The following ZNF385D variants were observed in gnomAD, a reference collection of about 807,000 sequenced individuals.
The protein encoded by ZNF385D is zinc finger protein 385D.
ZNF385D carries 15 observed loss-of-function variants against 35.8 expected under a neutral mutation model. The observed-to-expected ratio is 0.42, with a 90% CI of 0.28 to 0.64. The LOEUF is 0.64. Ranked by LOEUF, ZNF385D falls within the 30% of genes least tolerant of loss-of-function variation. The probability of loss-of-function intolerance (pLI) is 0.23; values close to 1 mark genes in which losing one functional copy is unlikely to be tolerated. For missense variants in ZNF385D, 474 were observed against 494.6 expected (o/e 0.96, Z 0.39); for synonymous variants, 212 against 186.8 (o/e 1.13, Z -1.10).
At chr3:21,945,059 C>G (rs1701707420) in intron 3 of ZNF385D, among the ~76,000 whole-genome samples, 1 of 151,804 alleles carries the variant, frequency 6.6e-6, no homozygotes, top group Non-Finnish European at 1.5e-5. Flanking sequence ...TAATATTTGT[C>G]AAATACTAAA....
chr3:22,360,573 G>A (rs1343733050), intron 2 of ZNF385D, among the ~76,000 whole-genome samples: 4 of 151,848 alleles, frequency 2.6e-5, no homozygotes, highest in African/African-American at 9.7e-5. Context: ...CTTAGTAAGA[G>A]CCAGCTTCCA....
At position 21,733,555 on chromosome 3, in the gene ZNF385D, T is replaced by C. The variant is rs566546859; in HGVS notation, c.22+17340A>G. Among the ~76,000 whole-genome samples the C allele has an allele frequency of 2.0e-5, 3 of 152,336 alleles. No homozygotes were observed. In the South Asian group the frequency reaches 6.2e-4, roughly 32 times the overall value. On this transcript the variant is annotated intron_variant, in intron 1 of 7. Transcript: ENST00000281523. ...TCTAACTTTGTCTCTTTTTTAAACTTAATTTATGAATTATTTTTCCAAGCA... is the reference window on the plus strand; with the variant it reads ...TCTAACTTTGTCTCTTTTTTAAACTCAATTTATGAATTATTTTTCCAAGCA...
chr3:21,979,423 T>C (rs1381594870), intron 3 of ZNF385D, among the ~76,000 whole-genome samples: 2 of 152,200 alleles, frequency 1.3e-5, no homozygotes, highest in Non-Finnish European at 2.9e-5. Context: ...TTATCCAATA[T>C]TTGACAGCTA....
intron 3 of ZNF385D, among the ~76,000 whole-genome samples, chr3:21,992,716 C>T (rs1351972680): frequency 1.3e-5 from 2 of 152,152 alleles, no homozygotes; most frequent in East Asian, 1.9e-4. Flanking sequence ...TCTTCACAAA[C>T]ATGTTTTACA....
rs561543505 is a variant in ZNF385D, at chr3:21,838,341, T to C, written c.326-173313A>G. ...AGGATCTGGGAGATAAGTATAGTTA[T>C]GTATGGTATATATGCTAAAAACAAA... is the stretch of plus-strand genomic sequence containing the variant. On this transcript the variant is annotated intron_variant, in intron 3 of 5. Coordinates refer to the ZNF385D transcript ENST00000494108. Among the ~76,000 whole-genome samples the C allele has an allele frequency of 7.9e-5, 12 of 152,222 alleles. No homozygotes were observed. The South Asian group carries it at 1.9e-3, about 24-fold the overall frequency.
intron 2 of ZNF385D, among the ~76,000 whole-genome samples, chr3:22,369,350 A>C (rs1696797250): frequency 6.6e-6 from 1 of 152,192 alleles, no homozygotes; most frequent in Non-Finnish European, 1.5e-5. Context: ...AACCATTTAC[A>C]AGACTCCCAT....
intron 2 of ZNF385D, among the ~76,000 whole-genome samples, chr3:21,645,693 G>A (rs1027934053): frequency 6.6e-6 from 1 of 152,116 alleles, no homozygotes; most frequent in Non-Finnish European, 1.5e-5. Flanking sequence ...ATGGCTCGCT[G>A]TCAGCCAAGT....
At chr3:21,502,491 A>G (rs932354508) in intron 4 of ZNF385D, among the ~76,000 whole-genome samples, 1 of 152,206 alleles carries the variant, frequency 6.6e-6, no homozygotes, top group Non-Finnish European at 1.5e-5. Context: ...GGGAGCAGTT[A>G]TATACATAAT....
In ZNF385D at chr3:21,986,448, G is replaced by A. The variant is rs1348849747; in HGVS notation, c.325+182369C>T. On this transcript the variant is annotated intron_variant, in intron 3 of 5. Coordinates refer to the ZNF385D transcript ENST00000494108. ...GTACCCAGTAGTCATTCAGGAGCAG[G>A]TTGTTCAGTTTCCATGTAGTTGAGC... 2.5e-4 allele frequency among the ~76,000 whole-genome samples: 28 copies of A among 112,246 alleles called. 1 individual carries two copies. The highest frequency in any genetic ancestry group is 2.6e-4 in the South Asian group (1 of 3,810). 73.6% of individuals were successfully genotyped at this position (112,246 alleles called of 152,430 possible).
chr3:22,286,479 G>A (rs905009296), intron 2 of ZNF385D, among the ~76,000 whole-genome samples: 9 of 151,812 alleles, frequency 5.9e-5, no homozygotes, highest in Admixed American at 3.3e-4. Flanking sequence ...AGTTCTTTGA[G>A]GTATAATGTT....
intron 2 of ZNF385D, among the ~76,000 whole-genome samples, chr3:22,184,196 A>G (rs1695474341): frequency 6.6e-6 from 1 of 152,096 alleles, no homozygotes; most frequent in African/African-American, 2.4e-5. Flanking sequence ...TCCCATTTGT[A>G]AGAAGGAGGT....
intron 4 of ZNF385D, among the ~76,000 whole-genome samples, chr3:21,472,466 G>C (rs761158920): frequency 1.4e-4 from 22 of 152,132 alleles, no homozygotes; most frequent in Non-Finnish European, 2.8e-4. Flanking sequence ...ACACTATGCA[G>C]CCAATCACTT....
intron 1 of ZNF385D, among the ~76,000 whole-genome samples, chr3:21,710,830 C>T (rs2125412597): frequency 6.6e-6 from 1 of 152,196 alleles, no homozygotes; most frequent in Middle Eastern, 3.4e-3. Flanking sequence ...ACTACATGAG[C>T]TAGGCTGATT....
chr3:22,129,508 C>G (rs1703648099), intron 3 of ZNF385D, among the ~76,000 whole-genome samples: 1 of 151,290 alleles, frequency 6.6e-6, no homozygotes, highest in African/African-American at 2.4e-5. Flanking sequence ...TTGGTGCTTT[C>G]TTTTACTGGG....
At chr3:22,076,469 C>T (rs1389066558) in intron 3 of ZNF385D, among the ~76,000 whole-genome samples, 1 of 151,822 alleles carries the variant, frequency 6.6e-6, no homozygotes, top group Non-Finnish European at 1.5e-5. Flanking sequence ...GATTCATCTC[C>T]CAAAAGTGAG....
At chr3:21,550,315 C>A (rs988420496) in intron 3 of ZNF385D, among the ~76,000 whole-genome samples, 25 of 151,950 alleles carry the variant, frequency 1.6e-4, no homozygotes, top group Admixed American at 9.8e-4. Context: ...TTTTAATTAT[C>A]TAATTTGGTC....
At chr3:21,804,449 G>T (rs1038626130) in intron 3 of ZNF385D, among the ~76,000 whole-genome samples, 4 of 152,148 alleles carry the variant, frequency 2.6e-5, no homozygotes, top group Non-Finnish European at 5.9e-5. Context: ...ACAAGGAAGT[G>T]CCTTGACTTC....
Position 21,523,878 on chromosome 3 carries a change from G to A in ZNF385D, c.277-12855C>T, listed in dbSNP as rs892696717. 3.3e-5 allele frequency among the ~76,000 whole-genome samples: 5 copies of A among 152,188 alleles called. No homozygotes were observed. In the East Asian group the frequency reaches 9.6e-4, roughly 29 times the overall value. On this transcript the variant is annotated intron_variant, in intron 3 of 7. Transcript: ENST00000281523. ...GAAGAGGAGGGCAAGACTGGGGAAG[G>A]AGTGAAAGGTAAAAGGATCATTATA...
At chr3:21,479,392 T>G (rs1704460754) in intron 4 of ZNF385D, among the ~76,000 whole-genome samples, 1 of 152,094 alleles carries the variant, frequency 6.6e-6, no homozygotes, top group African/African-American at 2.4e-5. Context: ...AGCATCTAGC[T>G]TCAATGAACA....
Sources: allele counts gnomAD v4.1 joint callset (sites outside exome capture counted in the v4.1 genomes callset), GRCh38; gene constraint gnomAD v4.1.1; transcripts MANE v1.5; gene names NCBI Gene and HGNC (gene_info 2026-07-23, HGNC 2026-07-21).